Variants in CAMK1D observed in about 807,000 individuals in gnomAD.
The protein encoded by CAMK1D is calcium/calmodulin dependent protein kinase ID.
CAMK1D carries 9 observed loss-of-function variants against 47.7 expected under a neutral mutation model. That is an observed-to-expected ratio of 0.19 (90% CI 0.11 to 0.33). CAMK1D has a LOEUF of 0.33. CAMK1D is among the 10% of genes least tolerant of loss of function. The pLI is 1.00. For missense variants in CAMK1D, 291 were observed against 488.7 expected (o/e 0.60, Z 3.81); for synonymous variants, 184 against 184.9 (o/e 0.99, Z 0.04).
rs953180189 is a variant in CAMK1D, at chr10:12,681,226, G to A, written c.299+14416G>A. ...CTATCATCCTGATCGCCACCACTCC[G>A]TGTCTGCCCTCAGCCTTGTTGACAA... On this transcript the variant is annotated intron_variant, in intron 3 of 10. Coordinates refer to ENST00000619168, the MANE Select transcript of CAMK1D (RefSeq NM_153498.4). Among the ~76,000 whole-genome samples, 5 of 152,330 alleles carry A rather than the reference G, an allele frequency of 3.3e-5. No homozygotes were observed. In the South Asian group the frequency reaches 1.0e-3, roughly 32 times the overall value.
intron 1 of CAMK1D, among the ~76,000 whole-genome samples, chr10:12,406,679 C>T (rs143987007): frequency 7.3e-5 from 10 of 136,892 alleles, no homozygotes; most frequent in South Asian, 2.3e-4. Flanking sequence ...GCCAAGATCA[C>T]GCCACTACAC....
At chr10:12,656,731 CAA>C (rs1400203690) in intron 2 of CAMK1D, among the ~76,000 whole-genome samples, 2 of 152,126 alleles carry the variant, frequency 1.3e-5, no homozygotes, top group Non-Finnish European at 2.9e-5. Context: ...CTTCTGGCAG[CAA>C]AGAGAGGTGA....
At chr10:12,455,597 C>T (rs968584089) in intron 1 of CAMK1D, among the ~76,000 whole-genome samples, 1 of 152,132 alleles carries the variant, frequency 6.6e-6, no homozygotes, top group Non-Finnish European at 1.5e-5. Context: ...AAAAGTTGTT[C>T]GTTTTTTCCC....
At chr10:12,454,421 C>T (rs1833181824) in intron 1 of CAMK1D, among the ~76,000 whole-genome samples, 1 of 152,166 alleles carries the variant, frequency 6.6e-6, no homozygotes, top group Non-Finnish European at 1.5e-5. Context: ...CTCGTCCTCC[C>T]AAAGTGCTGG....
intron 1 of CAMK1D, among the ~76,000 whole-genome samples, chr10:12,408,099 C>T (rs1236406178): frequency 1.3e-5 from 2 of 152,090 alleles, no homozygotes; most frequent in East Asian, 3.9e-4. Context: ...CTCACGTGAT[C>T]CACCCACCTT....
At chr10:12,555,740 A>G (rs1836738931) in intron 2 of CAMK1D, among the ~76,000 whole-genome samples, 1 of 152,250 alleles carries the variant, frequency 6.6e-6, no homozygotes, top group African/African-American at 2.4e-5. Flanking sequence ...CGTTGGGCAC[A>G]GGGGCTGTCT....
intron 1 of CAMK1D, among the ~76,000 whole-genome samples, chr10:12,444,964 C>T (rs1347722503): frequency 6.6e-6 from 1 of 152,162 alleles, no homozygotes; most frequent in African/African-American, 2.4e-5. Context: ...AGATTTTCCC[C>T]ACAAGAGACA....
intron 2 of CAMK1D, among the ~76,000 whole-genome samples, chr10:12,650,823 A>G (rs1839939429): frequency 6.6e-6 from 1 of 152,202 alleles, no homozygotes; most frequent in South Asian, 2.1e-4. Context: ...CACCAGCAGC[A>G]TCATCCCTCA....
intron 1 of CAMK1D, among the ~76,000 whole-genome samples, chr10:12,382,938 AT>A (rs754496255): frequency 0.019 from 2,760 of 144,408 alleles, 66 homozygotes; most frequent in African/African-American, 0.056. Context: ...GCAAGTAGCA[AT>A]TTTTTTTTTT....
chr10:12,458,216 A>G (rs529438151), intron 1 of CAMK1D, among the ~76,000 whole-genome samples: 34 of 152,172 alleles, frequency 2.2e-4, no homozygotes, highest in Non-Finnish European at 4.4e-4. Context: ...CTGTCAACAG[A>G]AGCATTAAGG....
chr10:12,457,316 A>C (rs1376165746), intron 1 of CAMK1D, among the ~76,000 whole-genome samples: 4 of 151,928 alleles, frequency 2.6e-5, no homozygotes, highest in African/African-American at 9.7e-5. Context: ...GCTTGAACCC[A>C]GAGGGTGGAC....
intron 1 of CAMK1D, among the ~76,000 whole-genome samples, chr10:12,544,123 A>G (rs757231324): frequency 6.6e-6 from 1 of 152,248 alleles, no homozygotes; most frequent in Non-Finnish European, 1.5e-5. Flanking sequence ...AAAAGGAGGA[A>G]GGATTCAACT....
At chr10:12,548,012 C>T (rs1054651892) in intron 1 of CAMK1D, among the ~76,000 whole-genome samples, 32 of 152,284 alleles carry the variant, frequency 2.1e-4, no homozygotes, top group South Asian at 1.0e-3. Flanking sequence ...CTGTCACCTG[C>T]GGTGCTTGCC....
chr10:12,446,301 A>G (rs1352591017), intron 1 of CAMK1D, among the ~76,000 whole-genome samples: 1 of 152,194 alleles, frequency 6.6e-6, no homozygotes, highest in Non-Finnish European at 1.5e-5. Flanking sequence ...ATGATATGCT[A>G]AACAAGGGGT....
At chr10:12,689,058 A>G (rs1463308491) in intron 3 of CAMK1D, among the ~76,000 whole-genome samples, 2 of 152,250 alleles carry the variant, frequency 1.3e-5, no homozygotes, top group Non-Finnish European at 2.9e-5. Context: ...CTTCAGTCCC[A>G]TAGAATGCTT....
In CAMK1D at chr10:12,469,555, G is replaced by T. The variant is rs562555574; in HGVS notation, c.93-83670G>T. ...TAAACAACCCACCTTCCCCAGGAAT[G>T]ACTAATTCATAAACACATAACTACA... On this transcript the variant is annotated intron_variant, in intron 1 of 10. Coordinates refer to ENST00000619168, the MANE Select transcript of CAMK1D (RefSeq NM_153498.4). Among the ~76,000 whole-genome samples, 3 of 152,236 alleles carry T rather than the reference G, an allele frequency of 2.0e-5. No individual in the cohort carries two copies. The South Asian group carries it at 6.2e-4, about 32-fold the overall frequency.
intron 8 of CAMK1D, among the ~76,000 whole-genome samples, chr10:12,819,685 T>C (rs1423140833): frequency 2.0e-5 from 3 of 152,206 alleles, no homozygotes; most frequent in Non-Finnish European, 4.4e-5. Context: ...CTTTGGGCAG[T>C]GGGGTCCCTG....
At chr10:12,551,414 T>C (rs779543957) in intron 1 of CAMK1D, among the ~76,000 whole-genome samples, 1 of 152,194 alleles carries the variant, frequency 6.6e-6, no homozygotes, top group Non-Finnish European at 1.5e-5. Flanking sequence ...TTCTACGTTA[T>C]GGCAAGTTGT....
At chr10:12,489,930 C>T (rs954590121) in intron 1 of CAMK1D, among the ~76,000 whole-genome samples, 2 of 152,224 alleles carry the variant, frequency 1.3e-5, no homozygotes, top group East Asian at 1.9e-4. Flanking sequence ...GCATTCAGCC[C>T]GAGAGGAATG....
Sources: gnomAD v4.1 joint callset for allele counts (sites outside exome capture counted in the v4.1 genomes callset) on GRCh38, gnomAD v4.1.1 for gene constraint, MANE v1.5 for transcripts, NCBI Gene and HGNC (gene_info 2026-07-23, HGNC 2026-07-21) for gene names.